CCDC81: variants seen among roughly 807,000 people sequenced by gnomAD.
The protein encoded by CCDC81 is coiled-coil domain-containing protein 81.
CCDC81 carries 79 observed loss-of-function variants against 83.7 expected under a neutral mutation model. The ratio of observed to expected loss-of-function variants is 0.94; its 90% confidence interval spans 0.79 to 1.14. The LOEUF (loss-of-function observed/expected upper bound fraction) is 1.14. Ranked by LOEUF, CCDC81 falls within the 50% of genes most tolerant of loss-of-function variation. The pLI is 0.00. For missense variants in CCDC81, 791 were observed against 778.1 expected, an observed-to-expected ratio of 1.02 and a Z score of -0.20; for synonymous variants, 252 against 278.1, an observed-to-expected ratio of 0.91 and a Z score of 0.93.
At chr11:86,410,609 A>T (rs1948629282) in intron 10 of CCDC81, among the ~76,000 whole-genome samples, 2 of 152,132 alleles carry the variant, frequency 1.3e-5, no homozygotes, top group Non-Finnish European at 2.9e-5. Flanking sequence ...TTTAGGCATG[A>T]TCTTTCTCTC....
At position 86,415,310 on chromosome 11, in the gene CCDC81, G is replaced by T. The variant is rs752241140; in HGVS notation, c.1688G>T (p.Arg563Ile). The T allele has an allele frequency of 6.2e-7, 1 of 1,611,516 alleles. No individual in the cohort carries two copies. The highest frequency in any genetic ancestry group is 1.1e-5 in the South Asian group (1 of 90,934). The stretch of plus-strand genomic sequence containing the variant: ...TTGCAAATGCTTCAGAGGACACAAA[G>T]AGAGTAAGGAGACCCCTGATCTTTC... ...RDLQMLQRTQREHLADRTAEL... is the reference protein window; with the variant it reads ...RDLQMLQRTQIEHLADRTAEL... Residue 563 changes from arginine (R) to isoleucine (I), a missense_variant, in exon 13 of 15, where the codon AGA becomes ATA. Transcript: ENST00000445632.
chr11:86,396,237 T>C (rs905700379), intron 5 of CCDC81, among the ~76,000 whole-genome samples: 1 of 152,260 alleles, frequency 6.6e-6, no homozygotes, highest in Admixed American at 6.5e-5. Flanking sequence ...ATGTGACTTA[T>C]GTATTATAAT....
At chr11:86,421,434 C>T (rs761337572) in intron 14 of CCDC81, among the ~76,000 whole-genome samples, 5 of 152,106 alleles carry the variant, frequency 3.3e-5, no homozygotes, top group African/African-American at 9.7e-5. Context: ...CTCAGCATCC[C>T]GACTAGCTGG....
intron 14 of CCDC81, 142 bp downstream of exon 14, chr11:86,420,195 C>T (rs947519821): frequency 2.2e-6 from 2 of 928,170 alleles, no homozygotes; most frequent in Non-Finnish European, 3.2e-6. Context: ...GAAATACTGC[C>T]GTGATTGATT....
chr11:86,375,347 C>T lies in CCDC81; in HGVS notation c.79+105C>T, dbSNP rs569483448. 25 of 976,422 alleles carry T rather than the reference C, an allele frequency of 2.6e-5. No homozygotes were observed. The African/African-American group carries it at 3.7e-4, about 15-fold the overall frequency. 60.5% of individuals were successfully genotyped at this position (976,422 alleles called of 1,614,324 possible). The stretch of plus-strand genomic sequence containing the variant: ...CCCAATTCCCTGGCTCAGGCCTGGC[C>T]TGCCGTGGCTAAGTTGCCTTGACAA... On this transcript the variant is annotated intron_variant, in intron 1 of 14. Coordinates refer to ENST00000445632, the MANE Select transcript of CCDC81 (RefSeq NM_001156474.2).
intron 9 of CCDC81, among the ~76,000 whole-genome samples, chr11:86,408,603 C>T (rs1287217532): frequency 2.6e-5 from 4 of 152,134 alleles, no homozygotes; most frequent in Non-Finnish European, 5.9e-5. Context: ...CCTCTGCCTC[C>T]CAAAGTGCTG....
At position 86,403,823 on chromosome 11, in the gene CCDC81, C is replaced by T. The variant is rs143475414; in HGVS notation, c.881+3022C>T. Among the ~76,000 whole-genome samples, 86 of 152,110 alleles carry T rather than the reference C, an allele frequency of 5.7e-4. No individual in the cohort carries two copies. The East Asian group carries it at 0.013, about 23-fold the overall frequency. On this transcript the variant is annotated intron_variant, in intron 7 of 14. Coordinates refer to ENST00000445632, the MANE Select transcript of CCDC81 (RefSeq NM_001156474.2). ...CATTGTTTAACAGTTGAGTATAACT[C>T]GTTTGGGGAAAGGTAATAAGGGTAT...
chr11:86,384,895 G>A (rs1464459314), intron 1 of CCDC81, among the ~76,000 whole-genome samples: 1 of 152,194 alleles, frequency 6.6e-6, no homozygotes, highest in East Asian at 1.9e-4. Context: ...TCATACTACA[G>A]TATAGGTTCA....
At chr11:86,380,284 G>C (rs1024704971) in intron 1 of CCDC81, among the ~76,000 whole-genome samples, 1 of 151,758 alleles carries the variant, frequency 6.6e-6, no homozygotes, top group African/African-American at 2.4e-5. Context: ...CTCTCTTTTT[G>C]CTTGGTTTCT....
At chr11:86,419,276 C>T (rs909395622) in intron 13 of CCDC81, 2 of 152,176 alleles carry the variant, frequency 1.3e-5, no homozygotes, top group African/African-American at 4.8e-5. Context: ...AGGTGATTCA[C>T]AACAGTAGTG....
Position 86,400,703 on chromosome 11 carries a change from A to C in CCDC81, c.783A>C (p.Arg261=), listed in dbSNP as rs146380709. The part of the protein sequence containing the change: ...TRDISSPKRL[R]DRQALFPAKV... ...ATATCTCATCACCCAAAAGACTTCGAGATAGACAAGCTTTGTTCCCTGCCA... is the reference window on the plus strand; with the variant it reads ...ATATCTCATCACCCAAAAGACTTCGCGATAGACAAGCTTTGTTCCCTGCCA... The change falls in exon 7 of 15, where the codon CGA becomes CGC. Residue 261 remains arginine (R), a synonymous_variant. Transcript: ENST00000445632. 1 of 1,612,198 alleles carries C rather than the reference A, an allele frequency of 6.2e-7. No homozygotes were observed. Among genetic ancestry groups the C allele is most frequent in the Non-Finnish European group, 8.5e-7 (1 of 1,178,500 alleles).
chr11:86,376,170 A>G (rs1419748335), intron 1 of CCDC81, among the ~76,000 whole-genome samples: 1 of 152,248 alleles, frequency 6.6e-6, no homozygotes, highest in Admixed American at 6.5e-5. Flanking sequence ...GAAGATGCAC[A>G]TTAATCAAAT....
chr11:86,375,143 G>A lies in CCDC81; in HGVS notation c.-21G>A. On this transcript the variant is annotated 5_prime_UTR_variant, in exon 1 of 15. Transcript: ENST00000445632. Reference sequence around the variant, plus strand: ...AAGAGACCCATCGAACATTCAGTACGGAGTCACCTGGAAATTGGAGATGTT... The same window carrying A: ...AAGAGACCCATCGAACATTCAGTACAGAGTCACCTGGAAATTGGAGATGTT... The A allele has an allele frequency of 6.2e-7, 1 of 1,607,058 alleles. No homozygotes were observed. Among genetic ancestry groups the A allele is most frequent in the South Asian group, 1.1e-5 (1 of 90,954 alleles).
At position 86,409,280 on chromosome 11, in the gene CCDC81, G is replaced by A; in HGVS notation, c.1133G>A (p.Arg378Lys). The A allele has an allele frequency of 6.7e-7, 1 of 1,490,966 alleles. No homozygotes were observed. The highest frequency in any genetic ancestry group is 1.4e-5 in the South Asian group (1 of 71,104). The allele number at this position is 1,490,966 out of a possible 1,614,324, so 92.4% of individuals were successfully genotyped here. Residue 378 changes from arginine to lysine, a missense_variant, in exon 10 of 15, where the codon AGA (arginine) becomes AAA (lysine). By Grantham distance (26) the Arg-to-Lys change is conservative. Coordinates refer to ENST00000445632, the MANE Select transcript of CCDC81 (RefSeq NM_001156474.2). ...FRHQMKSLAT[R>K]EQNQKNAAYN... is the part of the protein sequence containing the mutation. ...CAATAGATGAAAAGTCTGGCTACTAGAGAACAGAATCAGAAAAATGCTGCC... is the reference window on the plus strand; with the variant it reads ...CAATAGATGAAAAGTCTGGCTACTAAAGAACAGAATCAGAAAAATGCTGCC...
intron 5 of CCDC81, among the ~76,000 whole-genome samples, chr11:86,396,885 G>A (rs755541911): frequency 8.5e-5 from 13 of 152,248 alleles, no homozygotes; most frequent in Middle Eastern, 3.4e-3. Context: ...ACTCCAGGAG[G>A]GAAATAATTA....
chr11:86,404,256 T>G (rs540405776), intron 7 of CCDC81, among the ~76,000 whole-genome samples: 1 of 152,218 alleles, frequency 6.6e-6, no homozygotes, highest in Non-Finnish European at 1.5e-5. Flanking sequence ...GTTCTGCTTA[T>G]AGCAATATGG....
chr11:86,381,013 T>G (rs1318750636), intron 1 of CCDC81, among the ~76,000 whole-genome samples: 1 of 152,156 alleles, frequency 6.6e-6, no homozygotes, highest in African/African-American at 2.4e-5. Context: ...CTGGAAGTGA[T>G]GTACTGGGTA....
At chr11:86,411,629 C>T (rs898380666) in intron 10 of CCDC81, among the ~76,000 whole-genome samples, 6 of 152,138 alleles carry the variant, frequency 3.9e-5, no homozygotes, top group African/African-American at 1.4e-4. Flanking sequence ...TGCATGATTT[C>T]GCATGCACTC....
Position 86,382,889 on chromosome 11 carries a change from A to C in CCDC81, c.80-3162A>C, listed in dbSNP as rs968983314. ...TGATCAATAGTGTCAGACATGGCTGAGGGCTCAGAATTAAATACGTTTATT... is the reference window on the plus strand; with the variant it reads ...TGATCAATAGTGTCAGACATGGCTGCGGGCTCAGAATTAAATACGTTTATT... On this transcript the variant is annotated intron_variant, in intron 1 of 14. Transcript: ENST00000445632. Among the ~76,000 whole-genome samples the C allele has an allele frequency of 6.6e-5, 10 of 152,306 alleles. No individual in the cohort carries two copies. The East Asian group carries it at 1.9e-3, about 29-fold the overall frequency.
Sources: gnomAD v4.1 joint callset for allele counts (sites outside exome capture counted in the v4.1 genomes callset) on GRCh38, gnomAD v4.1.1 for gene constraint, MANE v1.5 for transcripts, NCBI Gene and HGNC (gene_info 2026-07-23, HGNC 2026-07-21) for gene names.